The following BDKRB2 variants were observed in gnomAD, a reference collection of about 807,000 sequenced individuals.
BDKRB2 encodes the protein bradykinin receptor B2, also known as B2 bradykinin receptor.
A neutral mutation model predicts 4.0 loss-of-function variants in BDKRB2; 6 were observed. The observed-to-expected ratio is 1.49, with a 90% CI of 0.81 to 2.93. BDKRB2 has a LOEUF of 2.93. Ranked by LOEUF, BDKRB2 falls within the 30% of genes most tolerant of loss-of-function variation. The probability of loss-of-function intolerance (pLI) is 0.00; values close to 1 mark genes in which losing one functional copy is unlikely to be tolerated. For missense variants in BDKRB2, 478 were observed against 520.1 expected (o/e 0.92, Z 0.79); for synonymous variants, 225 against 215.3 (o/e 1.05, Z -0.40).
At chr14:96,219,660 A>G (rs1890509704) in intron 1 of BDKRB2, among the ~76,000 whole-genome samples, 1 of 151,918 alleles carries the variant, frequency 6.6e-6, no homozygotes, top group Admixed American at 6.6e-5. Context: ...CAGCATCATT[A>G]CTTGTCCTTT....
At chr14:96,215,432 G>A (rs1890395260) in intron 1 of BDKRB2, among the ~76,000 whole-genome samples, 1 of 150,656 alleles carries the variant, frequency 6.6e-6, no homozygotes, top group African/African-American at 2.4e-5. Context: ...TGTGCATAAA[G>A]CTTTTCCTGT....
In BDKRB2 at chr14:96,241,318, G is replaced by A; in HGVS notation, c.990G>A (p.Leu330=). ...MAYSNSCLNP[L]VYVIVGKRFR... is the part of the protein sequence containing the mutation. ...ACAGCAACAGCTGCCTCAACCCACT[G>A]GTGTACGTGATCGTGGGCAAGCGCT... is the stretch of plus-strand genomic sequence containing the variant. The change falls in exon 3 of 3, where the codon CTG becomes CTA. Residue 330 remains leucine (L), a synonymous_variant. Transcript: ENST00000554311. 3 of 1,614,032 alleles carry A rather than the reference G, an allele frequency of 1.9e-6. No homozygotes were observed. Among genetic ancestry groups the A allele is most frequent in the Non-Finnish European group, 2.5e-6 (3 of 1,179,964 alleles).
At chr14:96,205,444 C>T (rs1053080785) in intron 1 of BDKRB2, among the ~76,000 whole-genome samples, 3 of 144,914 alleles carry the variant, frequency 2.1e-5, no homozygotes, top group Non-Finnish European at 4.5e-5. Flanking sequence ...GCAGCCAGCT[C>T]GCTGGCTCCC....
At position 96,229,722 on chromosome 14, in the gene BDKRB2, G is replaced by A. The variant is rs114726307; in HGVS notation, c.-39-7347G>A. Among the ~76,000 whole-genome samples, 881 of 152,292 alleles carry A rather than the reference G, an allele frequency of 5.8e-3. 9 individuals carry two copies. The highest frequency in any genetic ancestry group is 0.02 in the African/African-American group (834 of 41,552). On this transcript the variant is annotated intron_variant, in intron 1 of 2. Transcript: ENST00000554311. ...AGAATCAGGCAGGGCACCCGGGCAG[G>A]GGGCAGACCCAGCAAAGGCTCCTAG...
intron 1 of BDKRB2, among the ~76,000 whole-genome samples, chr14:96,206,026 G>A (rs553861795): frequency 3.1e-4 from 46 of 148,848 alleles, no homozygotes; most frequent in African/African-American, 1.1e-3. Context: ...TTCCATTTCT[G>A]AGTTGGAGAA....
At chr14:96,212,115 A>T (rs1225781185) in intron 1 of BDKRB2, among the ~76,000 whole-genome samples, 3 of 152,198 alleles carry the variant, frequency 2.0e-5, no homozygotes, top group Non-Finnish European at 2.9e-5. Context: ...CCTACCCCTC[A>T]CTGTATTCTT....
In BDKRB2 at chr14:96,241,201, C is replaced by G. The variant is rs200643742; in HGVS notation, c.873C>G (p.Phe291Leu). 8 of 1,608,138 alleles carry G rather than the reference C, an allele frequency of 5.0e-6. No individual in the cohort carries two copies. The highest frequency in any genetic ancestry group is 6.8e-6 in the Non-Finnish European group (8 of 1,176,026). ...GGCTGCCCTTCCAGATCAGCACCTTCCTGGATACGCTGCATCGCCTCGGCA... is the reference window on the plus strand; with the variant it reads ...GGCTGCCCTTCCAGATCAGCACCTTGCTGGATACGCTGCATCGCCTCGGCA... ...ICWLPFQISTFLDTLHRLGIL... is the reference protein window; with the variant it reads ...ICWLPFQISTLLDTLHRLGIL... Residue 291 changes from phenylalanine (F) to leucine (L), a missense_variant, in exon 3 of 3, where the codon TTC becomes TTG. Coordinates refer to ENST00000554311, the MANE Select transcript of BDKRB2 (RefSeq NM_001379692.1).
At chr14:96,219,640 C>G (rs942434611) in intron 1 of BDKRB2, among the ~76,000 whole-genome samples, 1 of 151,922 alleles carries the variant, frequency 6.6e-6, no homozygotes, top group African/African-American at 2.4e-5. Flanking sequence ...TTTGCTGTCA[C>G]TATCAGCATC....
rs924868565 is a variant in BDKRB2, at chr14:96,237,138, C to T, written c.31C>T (p.Leu11=). ...CTCTCCCTGGAAGATATCAATGTTT[C>T]TGTCTGTTCGTGAGGACTCCGTGCC... MFSPWKISMF[L]SVREDSVPTT... is the part of the protein sequence containing the mutation. Residue 11 remains leucine, a synonymous_variant, in exon 2 of 3, where the codon CTG becomes TTG. Coordinates refer to ENST00000554311, the MANE Select transcript of BDKRB2 (RefSeq NM_001379692.1). 1 of 1,614,052 alleles carries T rather than the reference C, an allele frequency of 6.2e-7. No homozygotes were observed. Among genetic ancestry groups the T allele is most frequent in the East Asian group, 2.2e-5 (1 of 44,896 alleles).
intron 1 of BDKRB2, among the ~76,000 whole-genome samples, chr14:96,209,036 T>C (rs1890248067): frequency 6.6e-6 from 1 of 152,152 alleles, no homozygotes; most frequent in Non-Finnish European, 1.5e-5. Flanking sequence ...TCCTCTTCCC[T>C]GCGGGTTTCC....
In BDKRB2 at chr14:96,241,147, G is replaced by A. The variant is rs373246298; in HGVS notation, c.819G>A (p.Leu273=). Residue 273 remains leucine (L), a synonymous_variant, in exon 3 of 3, where the codon CTG becomes CTA. Transcript: ENST00000554311. The stretch of plus-strand genomic sequence containing the variant: ...AGAGGAGGGCCACGGTGCTAGTCCT[G>A]GTTGTGCTGCTGCTATTCATCATCT... ...QTERRATVLV[L]VVLLLFIICW... 4 of 1,610,390 alleles carry A rather than the reference G, an allele frequency of 2.5e-6. No individual in the cohort carries two copies. The highest frequency in any genetic ancestry group is 3.4e-6 in the Non-Finnish European group (4 of 1,177,884).
Position 96,218,733 on chromosome 14 carries a change from C to A in BDKRB2, c.-40+13774C>A, listed in dbSNP as rs747909931. Among the ~76,000 whole-genome samples, 12 of 152,050 alleles carry A rather than the reference C, an allele frequency of 7.9e-5. 1 individual carries two copies. The highest frequency in any genetic ancestry group is 2.9e-4 in the African/African-American group (12 of 41,346). On this transcript the variant is annotated intron_variant, in intron 1 of 2. Transcript: ENST00000554311. Reference sequence around the variant, plus strand: ...AAGAGTTCGAGACCAGCCTGGCCAACATGGTGAAACCCCATCTCTACTAAA... The same window carrying A: ...AAGAGTTCGAGACCAGCCTGGCCAAAATGGTGAAACCCCATCTCTACTAAA...
intron 2 of BDKRB2, among the ~76,000 whole-genome samples, chr14:96,237,468 T>C (rs1890963254): frequency 6.6e-6 from 1 of 151,910 alleles, no homozygotes; most frequent in Non-Finnish European, 1.5e-5. Flanking sequence ...GGGAAGAGAG[T>C]TAAACATTAA....
In BDKRB2 at chr14:96,241,399, G is replaced by A; in HGVS notation, c.1071G>A (p.Arg357=). Residue 357 remains arginine (R), a synonymous_variant, in exon 3 of 3, where the codon AGG becomes AGA. Transcript: ENST00000554311. ...GAGTGTGCCAGAAAGGGGGCTGCAG[G>A]TCAGAACCCATTCAGATGGAGAACT... The part of the protein sequence containing the change: ...YQGVCQKGGC[R]SEPIQMENSM... 6.2e-7 allele frequency: 1 copy of A among 1,611,886 alleles called. No individual in the cohort carries two copies. Among genetic ancestry groups the A allele is most frequent in the South Asian group, 1.1e-5 (1 of 91,034 alleles).
At chr14:96,233,742 C>G (rs566451515) in intron 1 of BDKRB2, 3 of 152,134 alleles carry the variant, frequency 2.0e-5, no homozygotes, top group Non-Finnish European at 4.4e-5. Flanking sequence ...TCCTGGGAAA[C>G]CAAAACAGGC....
rs975111411 is a variant in BDKRB2, at chr14:96,214,133, C to A, written c.-40+9174C>A. Among the ~76,000 whole-genome samples, 6 of 152,128 alleles carry A rather than the reference C, an allele frequency of 3.9e-5. No individual in the cohort carries two copies. In the South Asian group the frequency reaches 8.3e-4, roughly 21 times the overall value. ...GCCCTCTGCCCTGTGACGGGGGCACCCTGCATGTCCCCTCACTCCCTGCCC... is the reference window on the plus strand; with the variant it reads ...GCCCTCTGCCCTGTGACGGGGGCACACTGCATGTCCCCTCACTCCCTGCCC... On this transcript the variant is annotated intron_variant, in intron 1 of 2. Transcript: ENST00000554311.
At chr14:96,212,906 C>T (rs534292288) in intron 1 of BDKRB2, among the ~76,000 whole-genome samples, 3 of 152,056 alleles carry the variant, frequency 2.0e-5, no homozygotes, top group Admixed American at 2.0e-4. Context: ...TGGGATTCTA[C>T]CATCTCTGCT....
rs1885332574 is a variant in BDKRB2, at chr14:96,242,896, A to G, written c.*1392A>G. 5 of 152,400 alleles carry G rather than the reference A, an allele frequency of 3.3e-5. No individual in the cohort carries two copies. Among genetic ancestry groups the G allele is most frequent in the Admixed American group, 3.3e-4 (5 of 15,296 alleles). The allele number at this position is 152,400 out of a possible 1,614,324, so 9.4% of individuals were successfully genotyped here. A position where few individuals can be genotyped will look rare whatever the true frequency, so the allele number is the denominator to read the frequency against. Reference sequence around the variant, plus strand: ...TAGAAGAGTGTGAAAAGGAATGGCAATGGTGTTCACCATCGGCAGTGCCAG... The same window carrying G: ...TAGAAGAGTGTGAAAAGGAATGGCAGTGGTGTTCACCATCGGCAGTGCCAG... On this transcript the variant is annotated 3_prime_UTR_variant, in exon 3 of 3. Transcript: ENST00000554311.
At chr14:96,232,389 G>T (rs1395763288) in intron 1 of BDKRB2, among the ~76,000 whole-genome samples, 1 of 152,218 alleles carries the variant, frequency 6.6e-6, no homozygotes, top group African/African-American at 2.4e-5. Flanking sequence ...CGTCCGTAAT[G>T]CACGTTTCCA....
Sources: gnomAD v4.1 joint callset for allele counts (sites outside exome capture counted in the v4.1 genomes callset) on GRCh38, gnomAD v4.1.1 for gene constraint, MANE v1.5 for transcripts, NCBI Gene and HGNC (gene_info 2026-07-23, HGNC 2026-07-21) for gene names.